UNC13A: variants seen among roughly 807,000 people sequenced by gnomAD.
The protein encoded by UNC13A is unc-13 homolog A.
In UNC13A, 61 loss-of-function variants were observed where a neutral mutation model predicts 219.7. That is an observed-to-expected ratio of 0.28 (90% CI 0.23 to 0.34). UNC13A has a LOEUF of 0.34. Among genes scored for constraint, UNC13A ranks in the 10% least tolerant of loss-of-function variants. The pLI is 1.00. For synonymous variants in UNC13A, 920 were observed against 884.6 expected (o/e 1.04, Z -0.71); for missense variants, 1,476 against 2,270.3 (o/e 0.65, Z 7.11).
chr19:17,645,640 G>T, intron 19 of UNC13A, 34 bp downstream of exon 19: 1 of 1,612,502 alleles, frequency 6.2e-7, no homozygotes, highest in Non-Finnish European at 8.5e-7. Context: ...CCTGGGACCC[G>T]TCCCCACCCG....
chr19:17,623,512 A>AGACAGACG, intron 36 of UNC13A, 30 bp downstream of exon 36: 2 of 1,526,150 alleles, frequency 1.3e-6, no homozygotes. Context: ...GAGGACGGAC[A>AGACAGACG]GACAGACGGA....
chr19:17,651,190 G>A (rs537421239), intron 12 of UNC13A, among the ~76,000 whole-genome samples: 7 of 151,530 alleles, frequency 4.6e-5, no homozygotes, highest in South Asian at 2.1e-4. Flanking sequence ...CAACCGCCTA[G>A]GCCTCCCAAA....
At chr19:17,668,318 G>T in intron 5 of UNC13A, 128 bp from the exon 6 acceptor site, 7 of 861,176 alleles carry the variant, frequency 8.1e-6, no homozygotes, top group Middle Eastern at 3.1e-4. Flanking sequence ...AGAAGTAGGG[G>T]TGGGTTGGTC....
rs2079308225 is a variant in UNC13A at position 17,649,638 on chromosome 19, T to C, written c.1440-51A>G. The C allele has an allele frequency of 1.9e-6, 3 of 1,603,340 alleles. No individual in the cohort carries two copies. Among genetic ancestry groups the C allele is most frequent in the East Asian group, 4.5e-5 (2 of 44,840 alleles). ...GGCCCAGATGTCCCTATTCCTCACA[T>C]AGAGCCCTGGGGAGAACATTCAACC... On this transcript the variant is annotated intron_variant, in intron 12 of 43. Transcript: ENST00000519716. The surrounding 1 kb of genome is among the most constrained non-coding windows in gnomAD (Gnocchi z 4.4).
intron 1 of UNC13A, among the ~76,000 whole-genome samples, chr19:17,686,308 C>CCA (rs1252798774): frequency 6.5e-4 from 34 of 52,164 alleles, no homozygotes; most frequent in South Asian, 1.9e-3. Context: ...GCCCCCCCCC[C>CCA]CCCCCCCCCA....
chr19:17,676,114 G>C, intron 1 of UNC13A, 73 bp from the exon 2 acceptor site: 1 of 1,460,260 alleles, frequency 6.8e-7, no homozygotes. Context: ...GATACGGAGA[G>C]ATTCAGAGAC....
intron 41 of UNC13A, chr19:17,614,027 G>A (rs112629066): frequency 0.056 from 7,579 of 136,388 alleles, 221 homozygotes; most frequent in African/African-American, 0.08. Flanking sequence ...TTGTTTTTGA[G>A]ATAGAGTCTT....
chr19:17,653,032 A>G (rs936909241), intron 11 of UNC13A, among the ~76,000 whole-genome samples: 50 of 151,994 alleles, frequency 3.3e-4, no homozygotes, highest in African/African-American at 1.2e-3. Flanking sequence ...TTCTGCAGCC[A>G]ACCAGCCTCT....
intron 41 of UNC13A, among the ~76,000 whole-genome samples, chr19:17,615,717 A>T (rs1255554631): frequency 6.6e-6 from 1 of 152,010 alleles, no homozygotes; most frequent in Non-Finnish European, 1.5e-5. Context: ...CAGATTCTTC[A>T]AGAAATGCCT....
chr19:17,659,248 G>A (rs967690693), intron 8 of UNC13A, among the ~76,000 whole-genome samples: 1 of 151,962 alleles, frequency 6.6e-6, no homozygotes, highest in African/African-American at 2.4e-5. Flanking sequence ...TTCAAGACCA[G>A]CCTGGGCAAC....
intron 31 of UNC13A, chr19:17,628,302 C>CTTTTAT: frequency 3.4e-6 from 1 of 290,042 alleles, no homozygotes; most frequent in Non-Finnish European, 6.6e-6. Context: ...GACAGTGACA[C>CTTTTAT]ACTGAAGGCG....
intron 25 of UNC13A, 34 bp downstream of exon 25, chr19:17,639,049 T>A (rs1248314993): frequency 6.5e-7 from 1 of 1,548,468 alleles, no homozygotes; most frequent in South Asian, 1.2e-5. Flanking sequence ...CTAGTTGGCA[T>A]CACTGTTCCC....
At position 17,608,556 on chromosome 19, in the gene UNC13A, T is replaced by C. The variant is rs1029413818; in HGVS notation, c.4811+1384A>G. Among the ~76,000 whole-genome samples the C allele has an allele frequency of 4.1e-5, 6 of 147,438 alleles. No individual in the cohort carries two copies. The East Asian group carries it at 7.9e-4, about 19-fold the overall frequency. On this transcript the variant is annotated intron_variant, in intron 43 of 43. Coordinates refer to ENST00000519716, the MANE Select transcript of UNC13A (RefSeq NM_001080421.3). The stretch of plus-strand genomic sequence containing the variant: ...TCTTTTAGACGGAGTCTTGCTCTGT[T>C]GCCCAGGCTGGAGTGCAGTGGTGCG...
rs1180810540 is a variant in UNC13A, at chr19:17,639,177, A to G, written c.2987T>C (p.Val996Ala). The change falls in exon 25 of 44, where the codon GTA becomes GCA. Residue 996 changes from valine to alanine, a missense_variant. This residue lies in a region of UNC13A where 140 missense variants were observed against 270.9 expected (regional missense o/e 0.52). Transcript: ENST00000519716. ...LQSPPRASQV[V>A]KDCVKACLNS... ...AAGGCAGGCTTTCACACAGTCCTTT[A>G]CCACCTGGCTGGCTCGGGGCGGGCT... 1 of 1,614,000 alleles carries G rather than the reference A, an allele frequency of 6.2e-7. No homozygotes were observed. Among genetic ancestry groups the G allele is most frequent in the East Asian group, 2.2e-5 (1 of 44,880 alleles).
At chr19:17,639,320 A>G (rs2145035795) in intron 24 of UNC13A, 103 bp from the exon 25 acceptor site, 1 of 1,579,194 alleles carries the variant, frequency 6.3e-7, no homozygotes, top group Non-Finnish European at 8.6e-7. Context: ...GTGGTATGAA[A>G]GGAAAAGGTT....
intron 1 of UNC13A, among the ~76,000 whole-genome samples, chr19:17,680,144 G>A (rs1457329365): frequency 6.6e-6 from 1 of 151,696 alleles, no homozygotes; most frequent in Non-Finnish European, 1.5e-5. Flanking sequence ...GAAGGGGGAT[G>A]GGCGCAGAGG....
In UNC13A at chr19:17,603,566, A is replaced by G. The variant is rs899190302; in HGVS notation, c.*2488T>C. On this transcript the variant is annotated 3_prime_UTR_variant, in exon 44 of 44. Coordinates refer to ENST00000519716, the MANE Select transcript of UNC13A (RefSeq NM_001080421.3). ...AACCTTTGGTTCAGAACCTCCAGTTACCTGCACCTGTCTGAATTTAAGGGA... is the reference window on the plus strand; with the variant it reads ...AACCTTTGGTTCAGAACCTCCAGTTGCCTGCACCTGTCTGAATTTAAGGGA... 1 of 152,258 alleles carries G rather than the reference A, an allele frequency of 6.6e-6. No individual in the cohort carries two copies. Among genetic ancestry groups the G allele is most frequent in the Non-Finnish European group, 1.5e-5 (1 of 68,058 alleles). 9.4% of individuals were successfully genotyped at this position (152,258 alleles called of 1,614,324 possible). A position where few individuals can be genotyped will look rare whatever the true frequency, so the allele number is the denominator to read the frequency against.
intron 9 of UNC13A, among the ~76,000 whole-genome samples, chr19:17,657,713 A>T (rs1275295389): frequency 6.6e-6 from 1 of 151,950 alleles, no homozygotes; most frequent in Non-Finnish European, 1.5e-5. Context: ...CAAAAAATAA[A>T]AATAAATTAG....
At chr19:17,665,680 C>A (rs1462664290) in intron 7 of UNC13A, among the ~76,000 whole-genome samples, 2 of 152,126 alleles carry the variant, frequency 1.3e-5, no homozygotes, top group Non-Finnish European at 2.9e-5. Flanking sequence ...GTACGTGCGC[C>A]CATTGTACAT....
Sources: allele counts gnomAD v4.1 joint callset (sites outside exome capture counted in the v4.1 genomes callset), GRCh38; gene constraint gnomAD v4.1.1; regional missense constraint gnomAD v4.1.1; non-coding constraint Gnocchi (gnomAD v3.1); transcripts MANE v1.5; gene names NCBI Gene and HGNC (gene_info 2026-07-23, HGNC 2026-07-21).